Variants in TMTC2 observed in about 807,000 individuals in gnomAD.
TMTC2 encodes transmembrane O-mannosyltransferase targeting cadherins 2.
TMTC2 carries 43 observed loss-of-function variants against 82.4 expected under a neutral mutation model. The observed-to-expected ratio is 0.52, with a 90% CI of 0.41 to 0.67. The LOEUF is 0.67. Ranked by LOEUF, TMTC2 falls within the 30% of genes least tolerant of loss-of-function variation. The pLI is 0.00. For missense variants in TMTC2, 919 were observed against 1,012.4 expected, an observed-to-expected ratio of 0.91 and a Z score of 1.25; for synonymous variants, 408 against 381.9, an observed-to-expected ratio of 1.07 and a Z score of -0.80.
At chr12:82,693,434 A>G (rs1465175109) in intron 1 of TMTC2, among the ~76,000 whole-genome samples, 1 of 152,006 alleles carries the variant, frequency 6.6e-6, no homozygotes, top group Non-Finnish European at 1.5e-5. Context: ...TCTCTTTCCT[A>G]CTTGTTCAGG....
intron 2 of TMTC2, among the ~76,000 whole-genome samples, chr12:82,872,760 C>G (rs1051954857): frequency 2.0e-5 from 3 of 152,100 alleles, no homozygotes; most frequent in Non-Finnish European, 4.4e-5. Context: ...TAAAGACTTT[C>G]GATATCTGAG....
At chr12:82,864,627 G>C (rs12818137) in intron 2 of TMTC2, among the ~76,000 whole-genome samples, 3 of 147,788 alleles carry the variant, frequency 2.0e-5, no homozygotes, top group Admixed American at 1.4e-4. Context: ...TCAGCCTCCC[G>C]AGTAGCTGGG....
chr12:82,967,412 TA>T (rs1878261419), intron 7 of TMTC2, among the ~76,000 whole-genome samples: 4 of 152,062 alleles, frequency 2.6e-5, no homozygotes, highest in African/African-American at 9.7e-5. Flanking sequence ...ATATTAATAA[TA>T]AAAACAAGAT....
intron 8 of TMTC2, among the ~76,000 whole-genome samples, chr12:82,988,434 A>G (rs1407736008): frequency 6.6e-6 from 1 of 152,186 alleles, no homozygotes; most frequent in Non-Finnish European, 1.5e-5. Context: ...TGAATGGAGT[A>G]TTCAGGTCTC....
At chr12:82,845,090 G>T (rs950563068) in intron 1 of TMTC2, among the ~76,000 whole-genome samples, 1 of 147,442 alleles carries the variant, frequency 6.8e-6, no homozygotes, top group African/African-American at 2.5e-5. Flanking sequence ...TTAGCTGGGC[G>T]TAGTGGCGGG....
chr12:83,044,472 G>A (rs187480540), intron 9 of TMTC2, among the ~76,000 whole-genome samples: 15 of 152,256 alleles, frequency 9.9e-5, no homozygotes, highest in African/African-American at 3.4e-4. Context: ...TGAATCAGCT[G>A]TAGAATAACA....
intron 1 of TMTC2, among the ~76,000 whole-genome samples, chr12:82,688,048 T>G (rs1274053575): frequency 6.6e-6 from 1 of 152,202 alleles, no homozygotes; most frequent in Non-Finnish European, 1.5e-5. Flanking sequence ...GGAGGAAGCC[T>G]CTCCTCGATC....
In TMTC2 at chr12:83,083,630, G is replaced by A. The variant is rs190171513; in HGVS notation, c.2331+21799G>A. Among the ~76,000 whole-genome samples, 17 of 152,300 alleles carry A rather than the reference G, an allele frequency of 1.1e-4. No homozygotes were observed. The East Asian group carries it at 3.3e-3, about 29-fold the overall frequency. On this transcript the variant is annotated intron_variant, in intron 11 of 11. Transcript: ENST00000321196. ...AAGATTCTCAGTCAATATTGTGAAG[G>A]AATTTGTATGAAGCTGTTGTCCTCT...
chr12:82,736,026 A>T (rs1398670022), intron 1 of TMTC2, among the ~76,000 whole-genome samples: 1 of 151,770 alleles, frequency 6.6e-6, no homozygotes, highest in Non-Finnish European at 1.5e-5. Flanking sequence ...AATGAGTTTT[A>T]AATTTTGCTC....
intron 1 of TMTC2, among the ~76,000 whole-genome samples, chr12:82,819,076 A>G (rs1216827537): frequency 6.6e-6 from 1 of 152,008 alleles, no homozygotes; most frequent in African/African-American, 2.4e-5. Context: ...AGCATTTCAC[A>G]TAGATTTTAG....
At chr12:82,853,163 C>T (rs181652572) in intron 1 of TMTC2, among the ~76,000 whole-genome samples, 2 of 151,416 alleles carry the variant, frequency 1.3e-5, no homozygotes, top group South Asian at 4.2e-4. Flanking sequence ...AGTGCAGTGG[C>T]GCGATCTCGG....
intron 1 of TMTC2, among the ~76,000 whole-genome samples, chr12:82,773,007 TTAAA>T (rs1290946808): frequency 1.3e-5 from 2 of 152,244 alleles, no homozygotes; most frequent in African/African-American, 4.8e-5. Flanking sequence ...TTGTTTGTGT[TTAAA>T]TATAGTTTGG....
chr12:83,004,721 A>AATTTTT, intron 8 of TMTC2, among the ~76,000 whole-genome samples: 1 of 65,072 alleles, frequency 1.5e-5, no homozygotes, highest in Non-Finnish European at 3.3e-5. Context: ...ATACTGGCCG[A>AATTTTT]ATTTTTTTTT....
At chr12:83,112,971 G>A (rs1443938814) in intron 11 of TMTC2, among the ~76,000 whole-genome samples, 2 of 152,142 alleles carry the variant, frequency 1.3e-5, no homozygotes, top group Non-Finnish European at 2.9e-5. Context: ...AATCAGAGTG[G>A]CATCTGAGAA....
intron 4 of TMTC2, among the ~76,000 whole-genome samples, chr12:82,961,064 C>T (rs1417213560): frequency 2.0e-5 from 3 of 151,608 alleles, no homozygotes; most frequent in Non-Finnish European, 4.4e-5. Context: ...ACTTTTCTTG[C>T]CCAAGGTTCG....
chr12:82,801,012 T>C (rs377154368), intron 1 of TMTC2, among the ~76,000 whole-genome samples: 4 of 152,272 alleles, frequency 2.6e-5, no homozygotes, highest in Admixed American at 2.0e-4. Flanking sequence ...ACAGTATTTA[T>C]TTATAAACCT....
chr12:82,981,921 T>G (rs1878935938), intron 7 of TMTC2, among the ~76,000 whole-genome samples: 1 of 151,826 alleles, frequency 6.6e-6, no homozygotes, highest in Non-Finnish European at 1.5e-5. Flanking sequence ...ATTCCCTCTC[T>G]GAAGACTTTT....
chr12:82,767,819 C>T (rs1877060503), intron 1 of TMTC2, among the ~76,000 whole-genome samples: 1 of 152,118 alleles, frequency 6.6e-6, no homozygotes, highest in African/African-American at 2.4e-5. Flanking sequence ...TTTTCAACTT[C>T]AGTAAACCAT....
chr12:83,118,006 G>A (rs1187520115), intron 11 of TMTC2, among the ~76,000 whole-genome samples: 1 of 152,200 alleles, frequency 6.6e-6, no homozygotes, highest in East Asian at 1.9e-4. Flanking sequence ...ACTGATTTGT[G>A]TACATTAATT....
Sources: allele counts gnomAD v4.1 joint callset (sites outside exome capture counted in the v4.1 genomes callset), GRCh38; gene constraint gnomAD v4.1.1; transcripts MANE v1.5; gene names NCBI Gene and HGNC (gene_info 2026-07-23, HGNC 2026-07-21).